Variants in FBXO16 observed in about 807,000 individuals in gnomAD.
FBXO16 encodes the protein F-box protein 16.
A neutral mutation model predicts 41.0 loss-of-function variants in FBXO16; 31 were observed. The observed-to-expected ratio is 0.76, with a 90% CI of 0.57 to 1.02. The LOEUF is 1.02. FBXO16 is among the 50% of genes least tolerant of loss of function. The probability of loss-of-function intolerance (pLI) is 0.00; values close to 1 mark genes in which losing one functional copy is unlikely to be tolerated. For synonymous variants in FBXO16, 133 were observed against 117.8 expected (o/e 1.13, Z -0.84); for missense variants, 361 against 346.2 (o/e 1.04, Z -0.34).
At chr8:28,489,736 T>A (rs898969257) in intron 1 of FBXO16, among the ~76,000 whole-genome samples, 3 of 150,658 alleles carry the variant, frequency 2.0e-5, no homozygotes, top group Non-Finnish European at 3.0e-5. Context: ...AAAACCCTTG[T>A]AGAATTGTAG....
chr8:28,470,110 C>T (rs1340087437), intron 3 of FBXO16, among the ~76,000 whole-genome samples: 5 of 151,132 alleles, frequency 3.3e-5, no homozygotes, highest in African/African-American at 9.7e-5. Flanking sequence ...AGGAGAATGG[C>T]GTGAACCCAG....
rs192917445 is a variant in FBXO16 at position 28,439,558 on chromosome 8, C to T, written c.843+7613G>A. 1.6e-3 allele frequency among the ~76,000 whole-genome samples: 248 copies of T among 152,060 alleles called. 1 individual carries two copies. The highest frequency in any genetic ancestry group is 7.5e-3 in the East Asian group (39 of 5,178). On this transcript the variant is annotated intron_variant, in intron 7 of 8. Coordinates refer to ENST00000380254, the MANE Select transcript of FBXO16 (RefSeq NM_172366.4). ...TTTGGGACGAGCCCAGGCAAAATAG[C>T]GAGACCCTGTCTCTACAAAAAATAC...
intron 4 of FBXO16, among the ~76,000 whole-genome samples, chr8:28,459,099 T>G (rs973332242): frequency 7.9e-5 from 12 of 152,166 alleles, no homozygotes; most frequent in Admixed American, 2.6e-4. Context: ...AATAATAATA[T>G]TATCCTTGTG....
chr8:28,456,910 G>T lies in FBXO16; in HGVS notation c.363C>A (p.Asn121Lys). The T allele has an allele frequency of 6.2e-7, 1 of 1,613,284 alleles. No homozygotes were observed. Among genetic ancestry groups the T allele is most frequent in the Non-Finnish European group, 8.5e-7 (1 of 1,179,660 alleles). Residue 121 changes from asparagine to lysine, a missense_variant, in exon 5 of 9, where the codon AAC becomes AAA. Transcript: ENST00000380254. ...TCCAGAGCTGGTCCAGCTCAGCAAG[G>T]TTCTTCCAATGCCAGCACACCTGGA... is the stretch of plus-strand genomic sequence containing the variant. ...RCAQVCWHWK[N>K]LAELDQLWML...
intron 6 of FBXO16, chr8:28,448,852 G>A (rs1327922399): frequency 6.6e-6 from 1 of 152,138 alleles, no homozygotes; most frequent in Non-Finnish European, 1.5e-5. Context: ...TCTTGCACAT[G>A]GTCTATTACT....
At chr8:28,444,486 T>C (rs1202600585) in intron 7 of FBXO16, among the ~76,000 whole-genome samples, 1 of 148,428 alleles carries the variant, frequency 6.7e-6, no homozygotes, top group Non-Finnish European at 1.5e-5. Context: ...CTTTTCTTTT[T>C]TTTTTTTTTT....
Position 28,458,544 on chromosome 8 carries a change from C to CTTTT in FBXO16, c.343-1618_343-1615dup, listed in dbSNP as rs34617439. Among the ~76,000 whole-genome samples the CTTTT allele has an allele frequency of 3.5e-3, 306 of 87,572 alleles. 2 individuals carry two copies. The highest frequency in any genetic ancestry group is 7.8e-3 in the Middle Eastern group (1 of 128). 57.5% of individuals were successfully genotyped at this position (87,572 alleles called of 152,430 possible). The stretch of plus-strand genomic sequence containing the variant: ...TTCCTTTTCTCCTCTTCTTCTTCTT[C>CTTTT]TTTTTTTTTTTTTTTTTTTTTTTTT... On this transcript the variant is annotated intron_variant, in intron 4 of 8. Transcript: ENST00000380254.
At chr8:28,432,226 C>A (rs1437700496) in intron 7 of FBXO16, among the ~76,000 whole-genome samples, 1 of 151,836 alleles carries the variant, frequency 6.6e-6, no homozygotes, top group African/African-American at 2.4e-5. Context: ...GTAATCCCAG[C>A]ACTTTGGGAG....
At chr8:28,480,905 A>C (rs767442895) in intron 2 of FBXO16, among the ~76,000 whole-genome samples, 1 of 152,224 alleles carries the variant, frequency 6.6e-6, no homozygotes, top group Non-Finnish European at 1.5e-5. Context: ...TTGACTGGGA[A>C]AGCCAGTAAA....
intron 6 of FBXO16, among the ~76,000 whole-genome samples, chr8:28,448,786 C>A (rs190296294): frequency 3.9e-5 from 6 of 152,302 alleles, no homozygotes; most frequent in Admixed American, 3.3e-4. Context: ...AGGCTCAATC[C>A]AGCCTGCTGC....
At chr8:28,480,073 G>C (rs1214509738) in intron 2 of FBXO16, among the ~76,000 whole-genome samples, 1 of 151,850 alleles carries the variant, frequency 6.6e-6, no homozygotes, top group African/African-American at 2.4e-5. Context: ...GGTGTTCCTG[G>C]CTAGATGAAG....
At chr8:28,471,461 C>T (rs894204661) in intron 3 of FBXO16, among the ~76,000 whole-genome samples, 11 of 151,612 alleles carry the variant, frequency 7.3e-5, no homozygotes, top group African/African-American at 2.2e-4. Flanking sequence ...TTCTTTCTTT[C>T]GAAAATGCAT....
At chr8:28,439,156 C>T (rs1393567057) in intron 7 of FBXO16, among the ~76,000 whole-genome samples, 6 of 150,548 alleles carry the variant, frequency 4.0e-5, no homozygotes, top group African/African-American at 1.2e-4. Context: ...AATGAGAGCA[C>T]GAACACATAT....
chr8:28,433,997 G>A (rs1802650755), intron 7 of FBXO16, among the ~76,000 whole-genome samples: 1 of 135,546 alleles, frequency 7.4e-6, no homozygotes, highest in Non-Finnish European at 1.5e-5. Context: ...GTCTCACTCT[G>A]GTGCCGAGGC....
chr8:28,467,506 A>C (rs1039021283), intron 3 of FBXO16, among the ~76,000 whole-genome samples: 10 of 152,186 alleles, frequency 6.6e-5, no homozygotes, highest in African/African-American at 2.2e-4. Context: ...AGAGTGCATG[A>C]CTCATTGTAG....
At position 28,483,388 on chromosome 8, in the gene FBXO16, C is replaced by T; in HGVS notation, c.59G>A (p.Ser20Asn). Residue 20 changes from serine to asparagine, a missense_variant, in exon 2 of 9, where the codon AGC (serine) becomes AAC (asparagine). Ser to Asn is a conservative substitution (Grantham distance 46). Transcript: ENST00000380254. ...CTGATGGTTTAGGGGTGTCCAGGTG[C>T]TCATCTTTGTCTGCATTTTGGGACC... Reference protein sequence around the residue: ...TDGPKMQTKMSTWTPLNHQLL... With the variant: ...TDGPKMQTKMNTWTPLNHQLL... The T allele has an allele frequency of 6.2e-7, 1 of 1,614,074 alleles. No individual in the cohort carries two copies.
intron 3 of FBXO16, among the ~76,000 whole-genome samples, chr8:28,466,636 A>G (rs1803247083): frequency 6.6e-6 from 1 of 152,044 alleles, no homozygotes; most frequent in African/African-American, 2.4e-5. Context: ...CTTAAAAAAA[A>G]AAAAAAAAAT....
At chr8:28,434,149 C>T (rs7010591) in intron 7 of FBXO16, among the ~76,000 whole-genome samples, 4,786 of 152,064 alleles carry the variant, frequency 0.031, 256 homozygotes, top group African/African-American at 0.11. Flanking sequence ...TTGGTAGAGA[C>T]GGGGTTTCAC....
intron 4 of FBXO16, among the ~76,000 whole-genome samples, chr8:28,459,371 A>T (rs1419625919): frequency 6.6e-6 from 1 of 152,112 alleles, no homozygotes; most frequent in Non-Finnish European, 1.5e-5. Flanking sequence ...TAATCCCAGC[A>T]CTTTGAGAGG....
Sources: gnomAD v4.1 joint callset for allele counts (sites outside exome capture counted in the v4.1 genomes callset) on GRCh38, gnomAD v4.1.1 for gene constraint, MANE v1.5 for transcripts, NCBI Gene and HGNC (gene_info 2026-07-23, HGNC 2026-07-21) for gene names.